Variants in SNTG1 observed in about 807,000 individuals in gnomAD.
SNTG1 encodes the protein syntrophin gamma 1.
A neutral mutation model predicts 74.7 loss-of-function variants in SNTG1; 39 were observed. The ratio of observed to expected loss-of-function variants is 0.52; its 90% confidence interval spans 0.40 to 0.68. The LOEUF (loss-of-function observed/expected upper bound fraction) is 0.68. Among genes scored for constraint, SNTG1 ranks in the 30% least tolerant of loss-of-function variants. SNTG1 has a pLI of 0.00. For synonymous variants in SNTG1, 254 were observed against 217.1 expected, an observed-to-expected ratio of 1.17 and a Z score of -1.49; for missense variants, 685 against 609.5, an observed-to-expected ratio of 1.12 and a Z score of -1.30.
intron 2 of SNTG1, among the ~76,000 whole-genome samples, chr8:50,365,727 A>C (rs2092089656): frequency 6.6e-6 from 1 of 152,114 alleles, no homozygotes; most frequent in Non-Finnish European, 1.5e-5. Flanking sequence ...TGATTATTTT[A>C]TGGTATCTTC....
chr8:50,645,570 A>G (rs1255225838), intron 13 of SNTG1, among the ~76,000 whole-genome samples: 1 of 152,064 alleles, frequency 6.6e-6, no homozygotes. Context: ...TATAGACATA[A>G]TTTGGGGTTC....
chr8:50,316,640 A>G (rs1268901642), intron 2 of SNTG1, among the ~76,000 whole-genome samples: 1 of 152,184 alleles, frequency 6.6e-6, no homozygotes, highest in Non-Finnish European at 1.5e-5. Context: ...TTAATAATTC[A>G]GCAAATGATG....
At chr8:49,997,081 A>G (rs1453107224) in intron 1 of SNTG1, among the ~76,000 whole-genome samples, 1 of 152,162 alleles carries the variant, frequency 6.6e-6, no homozygotes, top group African/African-American at 2.4e-5. Flanking sequence ...TCCTTTGAGA[A>G]TATAAAATTT....
At chr8:50,578,913 G>T (rs1222540780) in intron 12 of SNTG1, among the ~76,000 whole-genome samples, 1 of 152,166 alleles carries the variant, frequency 6.6e-6, no homozygotes, top group East Asian at 1.9e-4. Flanking sequence ...CAGGAGTGGG[G>T]TGTGGCTATA....
chr8:50,282,638 C>A (rs907260947), intron 2 of SNTG1, among the ~76,000 whole-genome samples: 1 of 152,050 alleles, frequency 6.6e-6, no homozygotes, highest in Non-Finnish European at 1.5e-5. Flanking sequence ...TGGTGGCACA[C>A]GCTTGTAGTC....
intron 3 of SNTG1, among the ~76,000 whole-genome samples, chr8:50,400,276 C>T (rs2131343142): frequency 6.6e-6 from 1 of 152,254 alleles, no homozygotes; most frequent in South Asian, 2.1e-4. Context: ...TCTTTCTATG[C>T]CTGGCAATTT....
At chr8:50,540,778 T>A (rs1202294002) in intron 11 of SNTG1, among the ~76,000 whole-genome samples, 1 of 152,136 alleles carries the variant, frequency 6.6e-6, no homozygotes, top group Non-Finnish European at 1.5e-5. Context: ...TTTAAGTCTA[T>A]CTGTATTAGG....
intron 1 of SNTG1, among the ~76,000 whole-genome samples, chr8:50,122,528 G>T (rs1382013288): frequency 7.0e-6 from 1 of 142,042 alleles, no homozygotes; most frequent in African/African-American, 2.5e-5. Flanking sequence ...CCTGAAGAAT[G>T]TTGAGGAGGA....
intron 12 of SNTG1, among the ~76,000 whole-genome samples, chr8:50,559,163 G>A (rs1185673014): frequency 6.6e-6 from 1 of 152,150 alleles, no homozygotes; most frequent in African/African-American, 2.4e-5. Context: ...AATAGTACAG[G>A]AGAAAATGAA....
chr8:50,232,052 AT>A (rs2085656418), intron 2 of SNTG1, among the ~76,000 whole-genome samples: 2 of 151,474 alleles, frequency 1.3e-5, no homozygotes, highest in South Asian at 4.1e-4. Context: ...CTTCCTGAAA[AT>A]GAAAGAAGAT....
intron 4 of SNTG1, among the ~76,000 whole-genome samples, chr8:50,407,251 C>T (rs1334774940): frequency 6.6e-6 from 1 of 152,154 alleles, no homozygotes; most frequent in Non-Finnish European, 1.5e-5. Context: ...AGAGTGTTAA[C>T]TCTCAGTCTG....
chr8:50,748,710 TA>T (rs138041232), intron 17 of SNTG1, among the ~76,000 whole-genome samples: 2,055 of 152,178 alleles, frequency 0.014, 37 homozygotes, highest in African/African-American at 0.043. Flanking sequence ...CAAAGCTTTT[TA>T]AATTACATTT....
intron 2 of SNTG1, among the ~76,000 whole-genome samples, chr8:50,271,892 G>T (rs1299799565): frequency 6.6e-6 from 1 of 152,160 alleles, no homozygotes; most frequent in East Asian, 1.9e-4. Context: ...CTTTTGAAAG[G>T]TGATTAGGCA....
intron 1 of SNTG1, among the ~76,000 whole-genome samples, chr8:50,013,395 T>C (rs1332029116): frequency 6.6e-6 from 1 of 152,088 alleles, no homozygotes; most frequent in Non-Finnish European, 1.5e-5. Context: ...TTTCTTTAAT[T>C]ATTGATTCCT....
chr8:50,694,929 G>A (rs1407301756), intron 15 of SNTG1, among the ~76,000 whole-genome samples: 3 of 149,566 alleles, frequency 2.0e-5, no homozygotes, highest in South Asian at 2.1e-4. Flanking sequence ...TAAAAGAAAT[G>A]TACTTCAACA....
chr8:50,316,144 C>A (rs1319805844), intron 2 of SNTG1, among the ~76,000 whole-genome samples: 2 of 152,056 alleles, frequency 1.3e-5, no homozygotes, highest in Non-Finnish European at 2.9e-5. Context: ...TGCAAGTGAT[C>A]AATTCAAAAC....
chr8:50,760,587 A>T (rs1326518278), intron 18 of SNTG1, among the ~76,000 whole-genome samples: 1 of 151,874 alleles, frequency 6.6e-6, no homozygotes, highest in East Asian at 1.9e-4. Context: ...TTCTGCATTT[A>T]TTGAGATAAT....
At chr8:50,500,404 CAT>C (rs2093941493) in intron 8 of SNTG1, among the ~76,000 whole-genome samples, 1 of 151,916 alleles carries the variant, frequency 6.6e-6, no homozygotes, top group South Asian at 2.1e-4. Context: ...GATATTATAA[CAT>C]AACTTTTTTG....
intron 18 of SNTG1, among the ~76,000 whole-genome samples, chr8:50,759,831 C>G (rs2095592768): frequency 1.3e-5 from 2 of 151,930 alleles, no homozygotes; most frequent in Non-Finnish European, 2.9e-5. Flanking sequence ...TATGTGGGCT[C>G]TTTTTTGGTT....
Sources: allele counts gnomAD v4.1 joint callset (sites outside exome capture counted in the v4.1 genomes callset), GRCh38; gene constraint gnomAD v4.1.1; transcripts MANE v1.5; gene names NCBI Gene and HGNC (gene_info 2026-07-23, HGNC 2026-07-21).